The following NRK variants were observed in gnomAD, a reference collection of about 807,000 sequenced individuals.
The protein encoded by NRK is Nik related kinase, also known as nik-related protein kinase.
In NRK, 67 loss-of-function variants were observed where a neutral mutation model predicts 125.2. That is an observed-to-expected ratio of 0.54 (90% confidence interval 0.44 to 0.66). The LOEUF (loss-of-function observed/expected upper bound fraction) is 0.66, where lower values mean the gene tolerates loss of function less well. Among genes scored for constraint, NRK ranks in the 30% least tolerant of loss-of-function variants. NRK has a pLI of 0.00. For synonymous variants in NRK, 458 were observed against 429.0 expected (o/e 1.07, Z -0.84); for missense variants, 1,224 against 1,192.9 (o/e 1.03, Z -0.38).
In NRK at chrX:105,945,905, G is replaced by T; in HGVS notation, c.4093G>T (p.Asp1365Tyr). ...TGATCAATCAGCAGACTCTGAAGGA[G>T]ACTACATGTCCTATCAAGCCTATAT... ...CIDQSADSEG[D>Y]YMSYQAYIRI... The change falls in exon 25 of 29, where the codon GAC becomes TAC. Residue 1365 changes from aspartate (D) to tyrosine (Y), a missense_variant. Asp to Tyr is a radical substitution (Grantham distance 160). Coordinates refer to ENST00000243300, the MANE Select transcript of NRK (RefSeq NM_198465.4). 8.3e-7 allele frequency: 1 copy of T among 1,207,191 alleles called. No individual in the cohort carries two copies. Among genetic ancestry groups the T allele is most frequent in the Non-Finnish European group, 1.1e-6 (1 of 891,677 alleles).
At chrX:105,919,462 T>G (rs2040410366) in intron 16 of NRK, among the ~76,000 whole-genome samples, 1 of 111,651 alleles carries the variant, frequency 9.0e-6, no homozygotes, top group Non-Finnish European at 1.9e-5. Flanking sequence ...GCTATTAAAA[T>G]AAAAAGTAAA....
chrX:105,876,618 A>G (rs967776799), intron 2 of NRK, among the ~76,000 whole-genome samples: 1 of 111,935 alleles, frequency 8.9e-6, no homozygotes, highest in Non-Finnish European at 1.9e-5. Context: ...ATTATTTAAC[A>G]CTCAATGTAG....
chrX:105,857,645 C>T, intron 2 of NRK, among the ~76,000 whole-genome samples: 1 of 110,791 alleles, frequency 9.0e-6, no homozygotes, highest in Admixed American at 9.7e-5. Context: ...TAAGCCAATT[C>T]AAAGGGACCC....
At chrX:105,881,059 T>C (rs1180597905) in intron 3 of NRK, among the ~76,000 whole-genome samples, 1 of 111,394 alleles carries the variant, frequency 9.0e-6, no homozygotes, top group Non-Finnish European at 1.9e-5. Flanking sequence ...TGTGCTTCCA[T>C]AGCACATGTG....
At chrX:105,906,351 G>T in intron 10 of NRK, 63 bp from the exon 11 acceptor site, 1 of 541,420 alleles carries the variant, frequency 1.8e-6, no homozygotes, top group Non-Finnish European at 2.8e-6. Flanking sequence ...TGTGGGTGGT[G>T]GTGGGAAGAG....
intron 1 of NRK, among the ~76,000 whole-genome samples, chrX:105,827,335 G>A (rs2039128750): frequency 8.9e-6 from 1 of 111,979 alleles, no homozygotes; most frequent in African/African-American, 3.2e-5. Flanking sequence ...TTTGCAGCCT[G>A]ACTGCTGGAG....
chrX:105,857,614 T>G (rs1361198066), intron 2 of NRK, among the ~76,000 whole-genome samples: 1 of 111,499 alleles, frequency 9.0e-6, no homozygotes, highest in Non-Finnish European at 1.9e-5. Context: ...CCTTTTTTTT[T>G]GCAGTCAGAT....
intron 2 of NRK, among the ~76,000 whole-genome samples, chrX:105,856,435 G>A: frequency 8.9e-6 from 1 of 112,168 alleles, no homozygotes; most frequent in Middle Eastern, 4.7e-3. Flanking sequence ...GAATGTTATA[G>A]CATCATATTG....
At chrX:105,840,139 C>T (rs557971555) in intron 2 of NRK, among the ~76,000 whole-genome samples, 4 of 111,699 alleles carry the variant, frequency 3.6e-5, no homozygotes, top group East Asian at 2.8e-4. Context: ...CTCTGAGTTG[C>T]AGGCTTTACT....
intron 7 of NRK, among the ~76,000 whole-genome samples, chrX:105,896,648 T>C (rs781434188): frequency 7.8e-4 from 86 of 110,176 alleles, no homozygotes; most frequent in Non-Finnish European, 1.4e-3. Context: ...AAGAGGAGTC[T>C]GGGCAACATA....
Position 105,895,543 on chromosome X carries a change from AT to A in NRK, c.580+24del. On this transcript the variant is annotated intron_variant, in intron 7 of 28. Transcript: ENST00000243300. The stretch of plus-strand genomic sequence containing the variant: ...AACTGGGTAAGTTTATTCTTATAGT[AT>A]TTTAAGTCCAAAACATCTTAATGGA... 2 of 1,019,789 alleles carry A rather than the reference AT, an allele frequency of 2.0e-6. No homozygotes were observed. The highest frequency in any genetic ancestry group is 2.8e-6 in the Non-Finnish European group (2 of 722,588). 84.0% of individuals were successfully genotyped at this position (1,019,789 alleles called of 1,213,427 possible).
intron 5 of NRK, 66 bp downstream of exon 5, chrX:105,888,485 A>G (rs1033473371): frequency 1.3e-5 from 12 of 934,182 alleles, no homozygotes; most frequent in Middle Eastern, 2.7e-4. Flanking sequence ...GTATGTTTTC[A>G]TGAGTTATCA....
At chrX:105,842,202 T>A (rs965965423) in intron 2 of NRK, among the ~76,000 whole-genome samples, 1 of 111,481 alleles carries the variant, frequency 9.0e-6, no homozygotes. Flanking sequence ...CTCCAACATA[T>A]TTGTTTCCTT....
chrX:105,911,843 C>G (rs1340720778), intron 13 of NRK, among the ~76,000 whole-genome samples: 3 of 111,710 alleles, frequency 2.7e-5, no homozygotes, highest in Non-Finnish European at 5.7e-5. Context: ...ATGGCACACA[C>G]TTATTGTCAT....
chrX:105,936,339 G>T (rs1358494458), intron 21 of NRK, among the ~76,000 whole-genome samples: 1 of 111,825 alleles, frequency 8.9e-6, no homozygotes, highest in Non-Finnish European at 1.9e-5. Flanking sequence ...TTTCAGTCTG[G>T]CAACTACCTA....
In NRK at chrX:105,843,977, CTGTGTGTGTG is replaced by C. The variant is rs751188822; in HGVS notation, c.123+12890_123+12899del. 6.5e-4 allele frequency among the ~76,000 whole-genome samples: 57 copies of C among 87,384 alleles called. No individual in the cohort carries two copies. The South Asian group carries it at 0.014, about 22-fold the overall frequency. 75.9% of individuals were successfully genotyped at this position (87,384 alleles called of 115,157 possible). A position where few individuals can be genotyped will look rare whatever the true frequency, so the allele number is the denominator to read the frequency against. On this transcript the variant is annotated intron_variant, in intron 2 of 28. Transcript: ENST00000243300. ...ATGTTTATTTTGCAGGTCCTGCACT[CTGTGTGTGTG>C]TGTGTGTGTGTGTGTGTGTGTGTGT...
At chrX:105,839,345 A>C (rs905487004) in intron 2 of NRK, among the ~76,000 whole-genome samples, 3 of 111,289 alleles carry the variant, frequency 2.7e-5, no homozygotes, top group Non-Finnish European at 5.7e-5. Context: ...CTTAAAGCAC[A>C]TAGCACTATG....
intron 1 of NRK, among the ~76,000 whole-genome samples, chrX:105,825,886 A>G (rs942968621): frequency 3.7e-5 from 4 of 108,241 alleles, no homozygotes; most frequent in African/African-American, 1.3e-4. Context: ...CAAAAAAGGA[A>G]GTGCAGAGAT....
intron 1 of NRK, among the ~76,000 whole-genome samples, chrX:105,823,241 T>G (rs997093563): frequency 5.3e-5 from 6 of 112,196 alleles, no homozygotes; most frequent in Admixed American, 4.7e-4. Context: ...GCCCGCTCGT[T>G]CCAACAGAGG....
Sources: gnomAD v4.1 joint callset for allele counts (sites outside exome capture counted in the v4.1 genomes callset) on GRCh38, gnomAD v4.1.1 for gene constraint, MANE v1.5 for transcripts, NCBI Gene and HGNC (gene_info 2026-07-23, HGNC 2026-07-21) for gene names.